STK32B: variants seen among roughly 807,000 people sequenced by gnomAD.
STK32B encodes serine/threonine kinase 32B.
STK32B carries 43 observed loss-of-function variants against 52.6 expected under a neutral mutation model. That is an observed-to-expected ratio of 0.82 (90% confidence interval 0.64 to 1.05). The LOEUF is 1.05. Among genes scored for constraint, STK32B ranks in the 50% least tolerant of loss-of-function variants. The pLI is 0.00. For synonymous variants in STK32B, 238 were observed against 204.3 expected, an observed-to-expected ratio of 1.17 and a Z score of -1.41; for missense variants, 621 against 534.6, an observed-to-expected ratio of 1.16 and a Z score of -1.59.
At chr4:5,455,924 C>G (rs1716469380) in intron 7 of STK32B, among the ~76,000 whole-genome samples, 1 of 152,174 alleles carries the variant, frequency 6.6e-6, no homozygotes, top group African/African-American at 2.4e-5. Context: ...GTTTGTTGTA[C>G]CACCACACGT....
At chr4:5,393,195 C>T (rs963634388) in intron 4 of STK32B, among the ~76,000 whole-genome samples, 3 of 152,150 alleles carry the variant, frequency 2.0e-5, no homozygotes, top group Non-Finnish European at 4.4e-5. Context: ...CTTTGGTCAT[C>T]CTTCCCTAGT....
At chr4:5,303,103 C>G (rs1420443762) in intron 3 of STK32B, among the ~76,000 whole-genome samples, 2 of 151,720 alleles carry the variant, frequency 1.3e-5, no homozygotes, top group Non-Finnish European at 2.9e-5. Flanking sequence ...TGGGCTGGTT[C>G]CATGTTTTCA....
chr4:5,310,044 C>T (rs1280276543), intron 3 of STK32B, among the ~76,000 whole-genome samples: 1 of 151,900 alleles, frequency 6.6e-6, no homozygotes, highest in Non-Finnish European at 1.5e-5. Context: ...CAAGTTGCTG[C>T]AGTCCCAGCT....
chr4:5,245,448 C>CCTTTA (rs1725372897), intron 3 of STK32B, among the ~76,000 whole-genome samples: 1 of 152,092 alleles, frequency 6.6e-6, no homozygotes, highest in Non-Finnish European at 1.5e-5. Context: ...TTCCTCCATC[C>CCTTTA]CTTTACTTTG....
At chr4:5,293,764 T>C (rs1463166198) in intron 3 of STK32B, among the ~76,000 whole-genome samples, 1 of 152,186 alleles carries the variant, frequency 6.6e-6, no homozygotes, top group East Asian at 1.9e-4. Context: ...TGATAGTTTC[T>C]TTTGCTGTAC....
intron 6 of STK32B, among the ~76,000 whole-genome samples, chr4:5,433,549 C>G (rs1444992927): frequency 2.0e-5 from 3 of 152,118 alleles, no homozygotes; most frequent in African/African-American, 7.2e-5. Context: ...TTTAACTCCT[C>G]CATTCGGACT....
intron 2 of STK32B, among the ~76,000 whole-genome samples, chr4:5,167,062 G>A (rs1039910885): frequency 7.2e-5 from 11 of 152,062 alleles, no homozygotes; most frequent in African/African-American, 2.4e-4. Context: ...TCGGCTCCAC[G>A]CCCTCCGTTA....
the STK32B span, among the ~76,000 whole-genome samples, chr4:5,040,110 C>T: frequency 1.3e-5 from 2 of 152,192 alleles, no homozygotes. Flanking sequence ...TCATTTCTCA[C>T]ATCCTGTTGG....
At chr4:5,477,691 C>T (rs1718349058) in intron 11 of STK32B, among the ~76,000 whole-genome samples, 1 of 152,184 alleles carries the variant, frequency 6.6e-6, no homozygotes, top group African/African-American at 2.4e-5. Flanking sequence ...GAGGGAAGAG[C>T]CCTCTGGAGA....
At chr4:5,383,159 G>T (rs1038988534) in intron 4 of STK32B, among the ~76,000 whole-genome samples, 1 of 152,208 alleles carries the variant, frequency 6.6e-6, no homozygotes, top group African/African-American at 2.4e-5. Context: ...GTGGGTAGGT[G>T]AGTGTGGGTG....
chr4:5,155,032 C>T (rs1170624435), intron 2 of STK32B, among the ~76,000 whole-genome samples: 2 of 152,240 alleles, frequency 1.3e-5, no homozygotes, highest in Non-Finnish European at 2.9e-5. Flanking sequence ...CTCTGTCTTC[C>T]TGCTCATTCT....
chr4:5,070,952 G>A (rs1711733502), intron 1 of STK32B, among the ~76,000 whole-genome samples: 2 of 152,140 alleles, frequency 1.3e-5, no homozygotes, highest in African/African-American at 4.8e-5. Context: ...TGCACTGAGC[G>A]TATAACCTCT....
intron 2 of STK32B, 200 bp downstream of exon 2, chr4:5,140,160 C>T (rs1716322882): frequency 2.8e-6 from 4 of 1,443,944 alleles, no homozygotes; most frequent in East Asian, 2.5e-5. Context: ...ACCACAACAG[C>T]CCTGGTTTAG....
In STK32B at chr4:5,189,861, C is replaced by T. The variant is rs377427591; in HGVS notation, c.260+21411C>T. 7.6e-4 allele frequency among the ~76,000 whole-genome samples: 116 copies of T among 152,220 alleles called. 1 individual carries two copies. Among genetic ancestry groups the T allele is most frequent in the African/African-American group, 2.6e-3 (108 of 41,526 alleles). Reference sequence around the variant, plus strand: ...TTTGGATTTTGTTCACTCCAGTAGGCGTGTAGTGGTATTCCGTTGTTTCAA... The same window carrying T: ...TTTGGATTTTGTTCACTCCAGTAGGTGTGTAGTGGTATTCCGTTGTTTCAA... On this transcript the variant is annotated intron_variant, in intron 3 of 11. Coordinates refer to ENST00000282908, the MANE Select transcript of STK32B (RefSeq NM_018401.3).
At chr4:5,156,157 T>C (rs1717823687) in intron 2 of STK32B, among the ~76,000 whole-genome samples, 1 of 151,780 alleles carries the variant, frequency 6.6e-6, no homozygotes, top group African/African-American at 2.4e-5. Context: ...TATGTATATG[T>C]GTATACATAT....
chr4:5,224,317 C>T (rs909274181), intron 3 of STK32B, among the ~76,000 whole-genome samples: 7 of 152,204 alleles, frequency 4.6e-5, no homozygotes, highest in African/African-American at 7.2e-5. Flanking sequence ...CTCATGGGAC[C>T]TCCCAATGCA....
At chr4:5,075,436 C>T (rs1712020701) in intron 1 of STK32B, among the ~76,000 whole-genome samples, 1 of 152,096 alleles carries the variant, frequency 6.6e-6, no homozygotes, top group African/African-American at 2.4e-5. Flanking sequence ...GTGAAAATCA[C>T]CTTAAAAATG....
chr4:5,042,424 C>A, the STK32B span, among the ~76,000 whole-genome samples: 3 of 152,242 alleles, frequency 2.0e-5, no homozygotes, highest in Admixed American at 6.5e-5. Context: ...GAGCTGACTT[C>A]ATCTGGAGCA....
At chr4:5,084,551 A>G (rs1376288157) in intron 1 of STK32B, among the ~76,000 whole-genome samples, 2 of 152,244 alleles carry the variant, frequency 1.3e-5, no homozygotes, top group African/African-American at 4.8e-5. Context: ...TGGAAAGAAA[A>G]TAAGATCTTC....
Sources: gnomAD v4.1 joint callset for allele counts (sites outside exome capture counted in the v4.1 genomes callset) on GRCh38, gnomAD v4.1.1 for gene constraint, MANE v1.5 for transcripts, NCBI Gene and HGNC (gene_info 2026-07-23, HGNC 2026-07-21) for gene names.